The following CHST9 variants were observed in gnomAD, a reference collection of about 807,000 sequenced individuals.
CHST9 encodes the protein carbohydrate sulfotransferase 9.
Under a neutral mutation model 44.4 loss-of-function variants are expected in CHST9, and 41 were observed. That is an observed-to-expected ratio of 0.92 (90% confidence interval 0.72 to 1.20). The LOEUF (loss-of-function observed/expected upper bound fraction) is 1.20. CHST9 is among the 50% of genes most tolerant of loss of function. The pLI, the probability that CHST9 is intolerant of heterozygous loss-of-function variation, is 0.00. For synonymous variants in CHST9, 171 were observed against 178.4 expected (o/e 0.96, Z 0.33); for missense variants, 504 against 516.5 (o/e 0.98, Z 0.23).
At chr18:26,963,400 A>G (rs1404942897) in intron 4 of CHST9, among the ~76,000 whole-genome samples, 1 of 152,106 alleles carries the variant, frequency 6.6e-6, no homozygotes, top group Non-Finnish European at 1.5e-5. Flanking sequence ...CACCAGGACT[A>G]AACAAACATT....
chr18:27,121,545 A>C (rs769289152), intron 2 of CHST9, among the ~76,000 whole-genome samples: 2 of 152,210 alleles, frequency 1.3e-5, no homozygotes, highest in Admixed American at 6.5e-5. Flanking sequence ...GATGAATCAG[A>C]ATCCAATTTT....
intron 4 of CHST9, among the ~76,000 whole-genome samples, chr18:27,018,963 G>T (rs555266863): frequency 1.3e-5 from 2 of 152,246 alleles, no homozygotes; most frequent in Non-Finnish European, 2.9e-5. Context: ...TTCTCAATTT[G>T]TCTCATTCTC....
intron 4 of CHST9, among the ~76,000 whole-genome samples, chr18:26,993,671 C>G (rs570540916): frequency 8.5e-5 from 13 of 152,202 alleles, no homozygotes; most frequent in African/African-American, 3.1e-4. Context: ...AAATTAAACA[C>G]AATCTTAAAA....
At chr18:27,087,362 A>G (rs1430653069) in intron 2 of CHST9, among the ~76,000 whole-genome samples, 1 of 152,240 alleles carries the variant, frequency 6.6e-6, no homozygotes, top group Non-Finnish European at 1.5e-5. Flanking sequence ...TGGACCCAAC[A>G]TTAGCAGAAA....
chr18:26,970,340 A>AATG (rs1467742875), intron 4 of CHST9, among the ~76,000 whole-genome samples: 1 of 152,200 alleles, frequency 6.6e-6, no homozygotes, highest in Non-Finnish European at 1.5e-5. Flanking sequence ...TTTCCAAATG[A>AATG]ATGCTTCCTA....
chr18:27,084,544 T>C (rs2057991902), intron 2 of CHST9, among the ~76,000 whole-genome samples: 1 of 151,852 alleles, frequency 6.6e-6, no homozygotes, highest in Non-Finnish European at 1.5e-5. Context: ...CTCTCTTTAT[T>C]CTTTATCAGT....
At chr18:26,939,857 T>C (rs2056056756) in intron 5 of CHST9, among the ~76,000 whole-genome samples, 1 of 152,164 alleles carries the variant, frequency 6.6e-6, no homozygotes. Flanking sequence ...AAGGTTCTCC[T>C]ACCTCATGTT....
chr18:27,018,003 A>G (rs915195291), intron 4 of CHST9, among the ~76,000 whole-genome samples: 7 of 152,190 alleles, frequency 4.6e-5, no homozygotes, highest in Non-Finnish European at 1.0e-4. Context: ...AAGTTCAAAA[A>G]CATAAAGAAT....
intron 4 of CHST9, among the ~76,000 whole-genome samples, chr18:26,977,393 A>T (rs1380422247): frequency 6.6e-6 from 1 of 150,822 alleles, no homozygotes; most frequent in African/African-American, 2.4e-5. Context: ...AGTTGGCTGC[A>T]GTTATTGGAA....
chr18:27,147,231 A>AT (rs963326266), intron 1 of CHST9, among the ~76,000 whole-genome samples: 17 of 151,724 alleles, frequency 1.1e-4, no homozygotes, highest in South Asian at 4.2e-4. Context: ...CACCCGGCTG[A>AT]TTTTTTTGTA....
At chr18:26,945,408 A>T (rs1189004545) in intron 4 of CHST9, among the ~76,000 whole-genome samples, 9 of 152,172 alleles carry the variant, frequency 5.9e-5, no homozygotes, top group Admixed American at 5.2e-4. Flanking sequence ...ACTACACTAC[A>T]TCACTCCCCT....
At chr18:27,104,895 T>A (rs1377211132) in intron 2 of CHST9, among the ~76,000 whole-genome samples, 1 of 152,188 alleles carries the variant, frequency 6.6e-6, no homozygotes, top group Non-Finnish European at 1.5e-5. Flanking sequence ...AGGATGCCTC[T>A]TTAGTGCCTG....
chr18:27,011,113 T>G (rs1472759655), intron 4 of CHST9, among the ~76,000 whole-genome samples: 2 of 152,202 alleles, frequency 1.3e-5, no homozygotes, highest in Non-Finnish European at 2.9e-5. Flanking sequence ...CAGGAAGATT[T>G]ATCTCTGGGT....
intron 2 of CHST9, among the ~76,000 whole-genome samples, chr18:27,087,721 A>G (rs991791776): frequency 1.3e-5 from 2 of 152,244 alleles, no homozygotes; most frequent in African/African-American, 4.8e-5. Flanking sequence ...TAATAACCTT[A>G]TTAGCTAACA....
intron 2 of CHST9, among the ~76,000 whole-genome samples, chr18:27,076,341 G>A (rs908379142): frequency 1.3e-5 from 2 of 152,202 alleles, no homozygotes; most frequent in East Asian, 1.9e-4. Context: ...ATGAATGTGT[G>A]TGTGTAAGTG....
At chr18:27,028,103 A>G (rs569021066) in intron 3 of CHST9, among the ~76,000 whole-genome samples, 278 of 152,098 alleles carry the variant, frequency 1.8e-3, no homozygotes, top group Non-Finnish European at 3.1e-3. Context: ...TTTAGTGGAG[A>G]TGGATTTTCA....
At chr18:26,995,586 G>A (rs2056878888) in intron 4 of CHST9, among the ~76,000 whole-genome samples, 1 of 152,116 alleles carries the variant, frequency 6.6e-6, no homozygotes, top group Non-Finnish European at 1.5e-5. Flanking sequence ...GACATAATTT[G>A]TTATGCAGCA....
chr18:27,016,587 T>C (rs1568134378), intron 4 of CHST9, among the ~76,000 whole-genome samples: 1 of 152,172 alleles, frequency 6.6e-6, no homozygotes, highest in Non-Finnish European at 1.5e-5. Context: ...TACCTGGACG[T>C]TTGCTCACCA....
intron 4 of CHST9, among the ~76,000 whole-genome samples, chr18:26,970,677 C>T (rs184498051): frequency 1.3e-5 from 2 of 152,216 alleles, no homozygotes; most frequent in Non-Finnish European, 2.9e-5. Flanking sequence ...ATCCTCCTGT[C>T]TCGGCCTCCC....
Sources: gnomAD v4.1 joint callset for allele counts (sites outside exome capture counted in the v4.1 genomes callset) on GRCh38, gnomAD v4.1.1 for gene constraint, MANE v1.5 for transcripts, NCBI Gene and HGNC (gene_info 2026-07-23, HGNC 2026-07-21) for gene names.